TNR: variants seen among roughly 807,000 people sequenced by gnomAD.
TNR encodes tenascin R, also known as tenascin-R.
In TNR, 45 loss-of-function variants were observed where a neutral mutation model predicts 150.4. The observed-to-expected ratio is 0.30, with a 90% CI of 0.24 to 0.38. The LOEUF is 0.38. Among genes scored for constraint, TNR ranks in the 10% least tolerant of loss-of-function variants. The pLI is 1.00. For synonymous variants in TNR, 687 were observed against 678.4 expected, an observed-to-expected ratio of 1.01 and a Z score of -0.20; for missense variants, 1,544 against 1,759.1, an observed-to-expected ratio of 0.88 and a Z score of 2.19.
At chr1:175,458,510 G>A (rs989410062) in intron 2 of TNR, among the ~76,000 whole-genome samples, 5 of 152,082 alleles carry the variant, frequency 3.3e-5, no homozygotes, top group African/African-American at 1.2e-4. Context: ...TTTGAGGAGG[G>A]GAGTCACCAC....
At chr1:175,607,826 T>C (rs191271749) in intron 1 of TNR, among the ~76,000 whole-genome samples, 17 of 152,376 alleles carry the variant, frequency 1.1e-4, no homozygotes, top group Admixed American at 9.1e-4. Context: ...AGCTTTCTCA[T>C]CTGTAAAATG....
intron 2 of TNR, among the ~76,000 whole-genome samples, chr1:175,478,157 C>T (rs1657631247): frequency 1.3e-5 from 2 of 152,180 alleles, no homozygotes; most frequent in African/African-American, 4.8e-5. Context: ...TTTTTCACTC[C>T]ATTGGCATTT....
chr1:175,432,320 G>A (rs1284998986), intron 2 of TNR, among the ~76,000 whole-genome samples: 2 of 152,172 alleles, frequency 1.3e-5, no homozygotes, highest in African/African-American at 4.8e-5. Context: ...CATTGCAGGA[G>A]AAAAGACTGG....
At chr1:175,421,195 CTT>C (rs2102062204) in intron 2 of TNR, among the ~76,000 whole-genome samples, 1 of 152,274 alleles carries the variant, frequency 6.6e-6, no homozygotes, top group East Asian at 1.9e-4. Context: ...CGGAGGGAAA[CTT>C]TGCTGTTTCT....
chr1:175,587,221 G>T (rs1384145943), intron 1 of TNR, among the ~76,000 whole-genome samples: 1 of 152,144 alleles, frequency 6.6e-6, no homozygotes. Flanking sequence ...GCTGGCTTAG[G>T]ACATGTCTAG....
chr1:175,569,023 C>A (rs1661759385), intron 1 of TNR, among the ~76,000 whole-genome samples: 1 of 151,532 alleles, frequency 6.6e-6, no homozygotes, highest in Admixed American at 6.6e-5. Flanking sequence ...CAGGGACTGC[C>A]AAGGAAGGGC....
chr1:175,541,455 T>C (rs917710312), intron 1 of TNR, among the ~76,000 whole-genome samples: 1 of 152,202 alleles, frequency 6.6e-6, no homozygotes, highest in African/African-American at 2.4e-5. Flanking sequence ...AGTGATTAAG[T>C]AATGGCAGGC....
chr1:175,657,484 G>A (rs1665217469), intron 1 of TNR, among the ~76,000 whole-genome samples: 1 of 151,970 alleles, frequency 6.6e-6, no homozygotes, highest in African/African-American at 2.4e-5. Flanking sequence ...TGTTTATTGT[G>A]GCACTATTCA....
intron 2 of TNR, among the ~76,000 whole-genome samples, chr1:175,460,250 A>G (rs1482658622): frequency 6.6e-6 from 1 of 152,108 alleles, no homozygotes; most frequent in East Asian, 1.9e-4. Context: ...CCCAAGGTAG[A>G]GTGACCAGGG....
chr1:175,365,051 C>T lies in TNR; in HGVS notation c.2546G>A (p.Gly849Asp), dbSNP rs200230612. ...EYIVNLVAVH[G>D]TVTSEPIVGS... ...CACAATGGGCTCAGAGGTCACTGTG[C>T]CATGGACAGCCACAAGGTTCACAAT... is the stretch of plus-strand genomic sequence containing the variant. The change falls in exon 12 of 23, where the codon GGC becomes GAC. Residue 849 changes from glycine to aspartate, a missense_variant. Coordinates refer to ENST00000367674, the MANE Select transcript of TNR (RefSeq NM_003285.3). 5.6e-6 allele frequency: 9 copies of T among 1,613,912 alleles called. No individual in the cohort carries two copies. In the East Asian group the frequency reaches 2.0e-4, roughly 36 times the overall value.
chr1:175,653,751 G>A (rs770293525), intron 1 of TNR, among the ~76,000 whole-genome samples: 1 of 152,196 alleles, frequency 6.6e-6, no homozygotes, highest in Non-Finnish European at 1.5e-5. Context: ...GTTCAATACA[G>A]TCAGATTTGT....
chr1:175,426,962 A>T (rs1448143784), intron 2 of TNR, among the ~76,000 whole-genome samples: 2 of 137,154 alleles, frequency 1.5e-5, no homozygotes, highest in Non-Finnish European at 3.1e-5. Flanking sequence ...TTATATATAA[A>T]ATATATTATA....
At chr1:175,536,239 T>C (rs1257368857) in intron 1 of TNR, among the ~76,000 whole-genome samples, 2 of 152,218 alleles carry the variant, frequency 1.3e-5, no homozygotes, top group South Asian at 2.1e-4. Context: ...TTCGTGTGCT[T>C]CACTAGGCTG....
intron 1 of TNR, among the ~76,000 whole-genome samples, chr1:175,651,725 A>T (rs1665001981): frequency 6.6e-6 from 1 of 151,978 alleles, no homozygotes; most frequent in Admixed American, 6.6e-5. Context: ...TCATGAGGCT[A>T]ATATTATTGT....
intron 1 of TNR, among the ~76,000 whole-genome samples, chr1:175,624,771 G>C: frequency 6.6e-6 from 1 of 152,188 alleles, no homozygotes; most frequent in South Asian, 2.1e-4. Context: ...CTAAGGGAAT[G>C]GTGGGCTCCT....
intron 6 of TNR, 63 bp downstream of exon 6, chr1:175,393,717 T>G (rs1653287376): frequency 2.2e-6 from 3 of 1,375,938 alleles, no homozygotes; most frequent in African/African-American, 2.9e-5. Flanking sequence ...TGCCCCTGAT[T>G]CCAAGCTAAA....
At position 175,317,210 on chromosome 1, in the gene TNR, A is replaced by G. The variant is rs1648871049; in HGVS notation, c.*6147T>C. ...AGTGGGTATGCAATAAATGCTATTT[A>G]TCTTAGTGTTCATTTGTGGAGAATC... On this transcript the variant is annotated 3_prime_UTR_variant, in exon 23 of 23. Coordinates refer to ENST00000367674, the MANE Select transcript of TNR (RefSeq NM_003285.3). 2 of 152,234 alleles carry G rather than the reference A, an allele frequency of 1.3e-5. No individual in the cohort carries two copies. The highest frequency in any genetic ancestry group is 6.5e-5 in the Admixed American group (1 of 15,290). 9.4% of individuals were successfully genotyped at this position (152,234 alleles called of 1,614,324 possible). A position where few individuals can be genotyped will look rare whatever the true frequency, so the allele number is the denominator to read the frequency against.
intron 1 of TNR, among the ~76,000 whole-genome samples, chr1:175,593,177 T>C (rs1400091653): frequency 6.6e-6 from 1 of 152,144 alleles, no homozygotes; most frequent in Non-Finnish European, 1.5e-5. Flanking sequence ...AGGGAACTCA[T>C]CTCGAAGTGT....
At chr1:175,625,928 T>C (rs1206906565) in intron 1 of TNR, among the ~76,000 whole-genome samples, 1 of 151,858 alleles carries the variant, frequency 6.6e-6, no homozygotes, top group African/African-American at 2.4e-5. Context: ...TCAACTTGAA[T>C]TGTATCTCCC....
Sources: allele counts gnomAD v4.1 joint callset (sites outside exome capture counted in the v4.1 genomes callset), GRCh38; gene constraint gnomAD v4.1.1; transcripts MANE v1.5; gene names NCBI Gene and HGNC (gene_info 2026-07-23, HGNC 2026-07-21).